The following CMTR1 variants were observed in gnomAD, a reference collection of about 807,000 sequenced individuals.
CMTR1 encodes the protein cap methyltransferase 1.
A neutral mutation model predicts 107.0 loss-of-function variants in CMTR1; 39 were observed. The observed-to-expected ratio is 0.36, with a 90% confidence interval of 0.28 to 0.48. The LOEUF is 0.48. Among genes scored for constraint, CMTR1 ranks in the 20% least tolerant of loss-of-function variants. CMTR1 has a pLI of 0.99. For synonymous variants in CMTR1, 366 were observed against 379.5 expected (o/e 0.96, Z 0.41); for missense variants, 672 against 1,064.9 (o/e 0.63, Z 5.14).
chr6:37,451,453 T>C (rs1325895593), intron 5 of CMTR1, among the ~76,000 whole-genome samples: 1 of 152,156 alleles, frequency 6.6e-6, no homozygotes, highest in African/African-American at 2.4e-5. Context: ...GGACAAGCTT[T>C]TGTCATTTGA....
chr6:37,462,038 T>C lies in CMTR1; in HGVS notation c.1261T>C (p.Tyr421His), dbSNP rs768410267. The C allele has an allele frequency of 3.1e-6, 5 of 1,614,030 alleles. No individual in the cohort carries two copies. The highest frequency in any genetic ancestry group is 4.2e-6 in the Non-Finnish European group (5 of 1,180,010). ...PFSVGLVYLL[Y>H]CCFERVCLFK... Reference sequence around the variant, plus strand: ...TAGTGTGGGGCTTGTCTACCTGCTGTACTGCTGCTTTGAACGAGTTTGTCT... The same window carrying C: ...TAGTGTGGGGCTTGTCTACCTGCTGCACTGCTGCTTTGAACGAGTTTGTCT... The change falls in exon 12 of 24, where the codon TAC (tyrosine) becomes CAC (histidine). Residue 421 changes from tyrosine (Y) to histidine (H), a missense_variant. Transcript: ENST00000373451.
chr6:37,480,297 C>T lies in CMTR1; in HGVS notation c.*152C>T. On this transcript the variant is annotated 3_prime_UTR_variant, in exon 24 of 24. Transcript: ENST00000373451. Reference sequence around the variant, plus strand: ...GAGTGGGTGGCCTCCTCTCCATCCCCTGAAGAGCTCAGGCAGGGCCCTGCA... The same window carrying T: ...GAGTGGGTGGCCTCCTCTCCATCCCTTGAAGAGCTCAGGCAGGGCCCTGCA... 6.9e-7 allele frequency: 1 copy of T among 1,446,948 alleles called. No homozygotes were observed. The allele number at this position is 1,446,948 out of a possible 1,614,324, so 89.6% of individuals were successfully genotyped here.
Position 37,481,436 on chromosome 6 carries a change from A to C in CMTR1, c.*1291A>C. 1 of 1,170,974 alleles carries C rather than the reference A, an allele frequency of 8.5e-7. No individual in the cohort carries two copies. The highest frequency in any genetic ancestry group is 1.1e-6 in the Non-Finnish European group (1 of 933,374). 72.5% of individuals were successfully genotyped at this position (1,170,974 alleles called of 1,614,324 possible). On this transcript the variant is annotated 3_prime_UTR_variant, in exon 24 of 24. Transcript: ENST00000373451. ...GGCAGTAGCACTGCTGAGATGCTGT[A>C]TTTCCACCCAATTCTGGGTATATCA...
intron 2 of CMTR1, among the ~76,000 whole-genome samples, chr6:37,443,265 T>C (rs1168239014): frequency 6.6e-6 from 1 of 152,212 alleles, no homozygotes; most frequent in Admixed American, 6.5e-5. Flanking sequence ...CAGGCATCAG[T>C]GTTTGGATAT....
chr6:37,445,397 T>A (rs574198413), intron 3 of CMTR1, among the ~76,000 whole-genome samples: 1 of 152,062 alleles, frequency 6.6e-6, no homozygotes, highest in Non-Finnish European at 1.5e-5. Context: ...GCCCAGTAAC[T>A]CTAAAGTTTA....
At chr6:37,454,780 C>T (rs1026728690) in intron 8 of CMTR1, among the ~76,000 whole-genome samples, 2 of 152,166 alleles carry the variant, frequency 1.3e-5, no homozygotes, top group African/African-American at 4.8e-5. Flanking sequence ...CTATGCTTCA[C>T]TATAAAAAAA....
rs574863361 is a variant in CMTR1, at chr6:37,479,098, C to T, written c.2267-49C>T. On this transcript the variant is annotated intron_variant, in intron 22 of 23. Coordinates refer to ENST00000373451, the MANE Select transcript of CMTR1 (RefSeq NM_015050.3). The stretch of plus-strand genomic sequence containing the variant: ...GAGGAAGGTACACGCCTGTCCTCCA[C>T]AAGTGCTTTGTGTCCCTTCTGGGCT... 3.7e-6 allele frequency: 5 copies of T among 1,355,808 alleles called. No homozygotes were observed. The South Asian group carries it at 5.8e-5, about 16-fold the overall frequency. 84.0% of individuals were successfully genotyped at this position (1,355,808 alleles called of 1,614,324 possible). A position where few individuals can be genotyped will look rare whatever the true frequency, so the allele number is the denominator to read the frequency against.
intron 6 of CMTR1, 73 bp from the exon 7 acceptor site, chr6:37,452,974 G>T (rs1054312519): frequency 3.3e-5 from 43 of 1,316,482 alleles, no homozygotes; most frequent in Non-Finnish European, 4.1e-5. Context: ...AGGGCTGTGA[G>T]TTGGGCACTG....
At position 37,460,284 on chromosome 6, in the gene CMTR1, G is replaced by A. The variant is rs192782621; in HGVS notation, c.1095+600G>A. ...CTTAAGCAGTAGCTGTGTGGCTAGT[G>A]AAGGAAGGTGGGCAGGATGTCAGCA... is the stretch of plus-strand genomic sequence containing the variant. On this transcript the variant is annotated intron_variant, in intron 10 of 23. Coordinates refer to ENST00000373451, the MANE Select transcript of CMTR1 (RefSeq NM_015050.3). Among the ~76,000 whole-genome samples, 15 of 152,336 alleles carry A rather than the reference G, an allele frequency of 9.8e-5. No homozygotes were observed. In the East Asian group the frequency reaches 2.9e-3, roughly 29 times the overall value.
intron 2 of CMTR1, among the ~76,000 whole-genome samples, chr6:37,439,176 A>T (rs576345277): frequency 6.6e-6 from 1 of 152,312 alleles, no homozygotes; most frequent in South Asian, 2.1e-4. Flanking sequence ...AAGAAAAGGG[A>T]TGTTGTTGTC....
chr6:37,474,648 T>A lies in CMTR1; in HGVS notation c.1944+2T>A. On this transcript the variant is annotated splice_donor_variant, in intron 18 of 23. Transcript: ENST00000373451. LOFTEE classifies it high-confidence loss of function. ...ATTGTGCATGAGCTGAAAGGGGAGG[T>A]CAGAGATGGTTCTGCTCAGGTGTTG... 6.2e-7 allele frequency: 1 copy of A among 1,613,414 alleles called. No individual in the cohort carries two copies. Among genetic ancestry groups the A allele is most frequent in the Non-Finnish European group, 8.5e-7 (1 of 1,179,670 alleles).
chr6:37,464,317 A>G (rs753974578), intron 13 of CMTR1, among the ~76,000 whole-genome samples: 19 of 151,954 alleles, frequency 1.3e-4, no homozygotes, highest in Non-Finnish European at 1.9e-4. Context: ...TTCAAAAAAA[A>G]TTAGCCAGGC....
At position 37,472,553 on chromosome 6, in the gene CMTR1, C is replaced by G; in HGVS notation, c.1689+66C>G. 2.0e-6 allele frequency: 3 copies of G among 1,489,174 alleles called. No individual in the cohort carries two copies. In the South Asian group the frequency reaches 3.4e-5, roughly 17 times the overall value. 92.2% of individuals were successfully genotyped at this position (1,489,174 alleles called of 1,614,324 possible). A position where few individuals can be genotyped will look rare whatever the true frequency, so the allele number is the denominator to read the frequency against. On this transcript the variant is annotated intron_variant, in intron 16 of 23. Coordinates refer to ENST00000373451, the MANE Select transcript of CMTR1 (RefSeq NM_015050.3). This position sits in a 1 kb window ranked among gnomAD's most constrained non-coding sequence, Gnocchi z 4.1. ...CTGTCTCTAGATGTGGATGGTATCA[C>G]TGAGGCCCCAGATGCATGGTCTCCA...
chr6:37,459,533 G>A, intron 9 of CMTR1, 33 bp from the exon 10 acceptor site: 3 of 1,581,192 alleles, frequency 1.9e-6, no homozygotes, highest in Non-Finnish European at 2.6e-6. Context: ...GTATAGGGCA[G>A]ATGAACTCAC....
At chr6:37,461,526 C>T (rs1222626678) in intron 10 of CMTR1, 23 bp from the exon 11 acceptor site, 1 of 1,406,216 alleles carries the variant, frequency 7.1e-7, no homozygotes, top group Admixed American at 1.9e-5. Flanking sequence ...TTTCCCACCC[C>T]ATTCCTTGTG....
intron 13 of CMTR1, 150 bp from the exon 14 acceptor site, chr6:37,470,871 T>G: frequency 3.7e-6 from 2 of 546,146 alleles, no homozygotes; most frequent in Non-Finnish European, 6.3e-6. Context: ...ATAACTGCAC[T>G]GTGGGGTAGG....
At chr6:37,432,874 G>T (rs1771413842), upstream of CMTR1, among the ~76,000 whole-genome samples, 1 of 152,200 alleles carries the variant, frequency 6.6e-6, no homozygotes, top group Non-Finnish European at 1.5e-5. Flanking sequence ...ATACAGCAGG[G>T]AACAAGAACA....
intron 23 of CMTR1, 107 bp downstream of exon 23, chr6:37,479,362 C>T (rs1761808609): frequency 1.2e-6 from 1 of 803,660 alleles, no homozygotes; most frequent in South Asian, 1.4e-5. Context: ...GACTGTTGCC[C>T]ATGCAGGGGT....
rs777651763 is a variant in CMTR1 at position 37,478,497 on chromosome 6, C to A, written c.2242C>A (p.Leu748Ile). 6.2e-7 allele frequency: 1 copy of A among 1,613,968 alleles called. No individual in the cohort carries two copies. The highest frequency in any genetic ancestry group is 1.7e-5 in the Admixed American group (1 of 60,030). ...TGACCGGCACTTTGTACCCATGGGC[C>A]TCTACATCGTCAGGACAGTGAATGG... ...RDDRHFVPMG[L>I]YIVRTVNEPW... is the part of the protein sequence containing the mutation. The change falls in exon 22 of 24, where the codon CTC (leucine) becomes ATC (isoleucine). Residue 748 changes from leucine to isoleucine, a missense_variant. Leu to Ile is a conservative substitution (Grantham distance 5). Coordinates refer to ENST00000373451, the MANE Select transcript of CMTR1 (RefSeq NM_015050.3).
Sources: gnomAD v4.1 joint callset for allele counts (sites outside exome capture counted in the v4.1 genomes callset) on GRCh38, gnomAD v4.1.1 for gene constraint, Gnocchi (gnomAD v3.1) non-coding constraint, MANE v1.5 for transcripts, NCBI Gene and HGNC (gene_info 2026-07-23, HGNC 2026-07-21) for gene names.